NIBAN1: variants seen among roughly 807,000 people sequenced by gnomAD.
The protein encoded by NIBAN1 is niban apoptosis regulator 1.
NIBAN1 carries 81 observed loss-of-function variants against 75.1 expected under a neutral mutation model. That is an observed-to-expected ratio of 1.08 (90% CI 0.90 to 1.30). NIBAN1 has a LOEUF of 1.30. NIBAN1 is among the 50% of genes most tolerant of loss of function. The pLI, the probability that NIBAN1 is intolerant of heterozygous loss-of-function variation, is 0.00. For synonymous variants in NIBAN1, 436 were observed against 424.8 expected (o/e 1.03, Z -0.32); for missense variants, 1,133 against 1,128.1 (o/e 1.00, Z -0.06).
intron 5 of NIBAN1, among the ~76,000 whole-genome samples, chr1:184,835,799 T>C (rs1655126420): frequency 1.3e-5 from 2 of 152,248 alleles, no homozygotes; most frequent in South Asian, 4.1e-4. Flanking sequence ...ACAGGGACAA[T>C]TTGACTTCCT....
At chr1:184,818,966 C>T in intron 8 of NIBAN1, 141 bp from the exon 9 acceptor site, 1 of 855,476 alleles carries the variant, frequency 1.2e-6, no homozygotes, top group Non-Finnish European at 1.7e-6. Context: ...CAGACTAGCA[C>T]AATGAGCCTG....
At chr1:184,851,622 G>T (rs1655537153) in intron 5 of NIBAN1, among the ~76,000 whole-genome samples, 2 of 126,368 alleles carry the variant, frequency 1.6e-5, no homozygotes, top group South Asian at 2.9e-4. Context: ...AAAACTTAGA[G>T]TATAATAAAA....
chr1:184,878,543 G>A (rs575954434), intron 5 of NIBAN1, among the ~76,000 whole-genome samples: 1 of 152,278 alleles, frequency 6.6e-6, no homozygotes, highest in Non-Finnish European at 1.5e-5. Flanking sequence ...GTCATGGTTA[G>A]CCTGTGGACA....
Position 184,958,233 on chromosome 1 carries a change from A to G in NIBAN1, c.55+16069T>C, listed in dbSNP as rs181193870. Among the ~76,000 whole-genome samples the G allele has an allele frequency of 2.0e-5, 3 of 152,064 alleles. 1 individual carries two copies. Among genetic ancestry groups the G allele is most frequent in the African/African-American group, 4.8e-5 (2 of 41,482 alleles). On this transcript the variant is annotated intron_variant, in intron 1 of 13. Transcript: ENST00000367511. Reference sequence around the variant, plus strand: ...AATACAAAACAATAAAAAATAGCCAACTGTGGTGGTAGGAGCCTGTAGTCC... The same window carrying G: ...AATACAAAACAATAAAAAATAGCCAGCTGTGGTGGTAGGAGCCTGTAGTCC...
At chr1:184,826,587 A>G (rs752934321) in intron 6 of NIBAN1, among the ~76,000 whole-genome samples, 1 of 152,242 alleles carries the variant, frequency 6.6e-6, no homozygotes, top group Non-Finnish European at 1.5e-5. Flanking sequence ...GTGGGTTGAC[A>G]TTATGAAACT....
intron 12 of NIBAN1, among the ~76,000 whole-genome samples, chr1:184,798,954 A>C (rs1653953706): frequency 6.6e-6 from 1 of 152,190 alleles, no homozygotes; most frequent in Non-Finnish European, 1.5e-5. Flanking sequence ...TATATGGATA[A>C]ACAAAAATTG....
intron 1 of NIBAN1, among the ~76,000 whole-genome samples, chr1:184,929,147 G>A (rs1365141163): frequency 2.0e-5 from 3 of 151,964 alleles, no homozygotes; most frequent in East Asian, 1.9e-4. Context: ...GTCATATTGC[G>A]TGTCCACAGA....
intron 1 of NIBAN1, among the ~76,000 whole-genome samples, chr1:184,944,131 C>A (rs1411933871): frequency 1.3e-5 from 2 of 152,142 alleles, no homozygotes; most frequent in Non-Finnish European, 2.9e-5. Context: ...TGAAAGGAAA[C>A]CCACTGCTGC....
Position 184,795,671 on chromosome 1 carries a change from T to C in NIBAN1, c.2093A>G (p.Glu698Gly), listed in dbSNP as rs1459270347. Residue 698 changes from glutamate (E) to glycine (G), a missense_variant, in exon 14 of 14, where the codon GAA (glutamate) becomes GGA (glycine). Physicochemically the swap from Glu to Gly is moderately conservative, Grantham distance 98. Coordinates refer to ENST00000367511, the MANE Select transcript of NIBAN1 (RefSeq NM_052966.4). ...GTLEDEEPAQ[E>G]EPEPITASGS... is the part of the protein sequence containing the mutation. ...CGAGGCAGTGATGGGTTCTGGCTCTTCCTGGGCGGGTTCTTCATCCTCAAG... is the reference window on the plus strand; with the variant it reads ...CGAGGCAGTGATGGGTTCTGGCTCTCCCTGGGCGGGTTCTTCATCCTCAAG... The C allele has an allele frequency of 1.9e-6, 3 of 1,614,206 alleles. No homozygotes were observed. Among genetic ancestry groups the C allele is most frequent in the Non-Finnish European group, 1.7e-6 (2 of 1,180,050 alleles).
rs1489183107 is a variant in NIBAN1 at position 184,795,425 on chromosome 1, G to T, written c.2339C>A (p.Ala780Asp). 1.2e-6 allele frequency: 2 copies of T among 1,607,064 alleles called. No homozygotes were observed. The highest frequency in any genetic ancestry group is 4.5e-5 in the East Asian group (2 of 44,846). ...AAATCCCCCCAACTCCTCCCCATGG[G>T]CCTCGGGACAGGGAGGTTGGGCCTC... ...EREAQPPCPEAHGEELGGFPE... is the reference protein window; with the variant it reads ...EREAQPPCPEDHGEELGGFPE... The change falls in exon 14 of 14, where the codon GCC (alanine) becomes GAC (aspartate). Residue 780 changes from alanine to aspartate, a missense_variant. Transcript: ENST00000367511.
Position 184,795,248 on chromosome 1 carries a change from G to C in NIBAN1, c.2516C>G (p.Ser839Ter), listed in dbSNP as rs745982422. ...ACCTAAGGTGCAGCCCTCTTGCTGT[G>C]AGGCATCCCCTTCCTCGGTACACTT... ...GGKCTEEGDA[S>*]QQEGCTLGSD... The change falls in exon 14 of 14, where the codon TCA becomes TGA. Residue 839 changes from serine (S) to a stop codon, truncating the protein, a stop_gained. Transcript: ENST00000367511. LOFTEE classifies it low-confidence loss of function (END_TRUNC). The C allele has an allele frequency of 6.2e-7, 1 of 1,613,562 alleles. No individual in the cohort carries two copies. The highest frequency in any genetic ancestry group is 8.5e-7 in the Non-Finnish European group (1 of 1,180,052).
chr1:184,877,125 A>G (rs1251412577), intron 5 of NIBAN1, among the ~76,000 whole-genome samples: 1 of 152,214 alleles, frequency 6.6e-6, no homozygotes, highest in East Asian at 1.9e-4. Flanking sequence ...GATATTAGAA[A>G]TTATGGTATA....
At chr1:184,814,509 C>G (rs891747772) in intron 9 of NIBAN1, among the ~76,000 whole-genome samples, 3 of 152,110 alleles carry the variant, frequency 2.0e-5, no homozygotes, top group African/African-American at 7.2e-5. Flanking sequence ...GGCAAGGAGA[C>G]AGTCAGTTGG....
At chr1:184,965,192 G>A (rs1310929268) in intron 1 of NIBAN1, among the ~76,000 whole-genome samples, 2 of 151,968 alleles carry the variant, frequency 1.3e-5, no homozygotes, top group Non-Finnish European at 2.9e-5. Context: ...CCAGCTACTC[G>A]AGAGGCTGAC....
At chr1:184,840,631 T>A (rs60903884) in intron 5 of NIBAN1, among the ~76,000 whole-genome samples, 12,196 of 151,524 alleles carry the variant, frequency 0.08, 1,642 homozygotes, top group African/African-American at 0.28. Context: ...ATTAAAAGAC[T>A]ATTTGTCAAC....
At chr1:184,947,651 C>T (rs1318182488) in intron 1 of NIBAN1, among the ~76,000 whole-genome samples, 2 of 152,178 alleles carry the variant, frequency 1.3e-5, no homozygotes, top group African/African-American at 4.8e-5. Context: ...CAGACAGGAG[C>T]CTTGTGCTGA....
intron 12 of NIBAN1, among the ~76,000 whole-genome samples, chr1:184,799,420 A>C (rs1249815550): frequency 6.7e-6 from 1 of 148,870 alleles, no homozygotes; most frequent in Non-Finnish European, 1.5e-5. Flanking sequence ...TATGTGCCAC[A>C]TTTTCTTAAT....
chr1:184,904,796 C>T (rs775871081), intron 1 of NIBAN1, among the ~76,000 whole-genome samples: 2 of 152,064 alleles, frequency 1.3e-5, no homozygotes. Flanking sequence ...ACCAAAAATA[C>T]AAAAATTAGC....
chr1:184,799,953 G>A (rs1223204820), intron 12 of NIBAN1, among the ~76,000 whole-genome samples: 5 of 98,462 alleles, frequency 5.1e-5, no homozygotes. Context: ...CACCGTGTTA[G>A]CCAGGATGGT....
Sources: gnomAD v4.1 joint callset for allele counts (sites outside exome capture counted in the v4.1 genomes callset) on GRCh38, gnomAD v4.1.1 for gene constraint, MANE v1.5 for transcripts, NCBI Gene and HGNC (gene_info 2026-07-23, HGNC 2026-07-21) for gene names.